The following COA7 variants were observed in gnomAD, a reference collection of about 807,000 sequenced individuals.
COA7 encodes the protein cytochrome c oxidase assembly factor 7.
In COA7, 12 loss-of-function variants were observed where a neutral mutation model predicts 21.0. That is an observed-to-expected ratio of 0.57 (90% CI 0.37 to 0.92). The LOEUF is 0.92. COA7 is among the 40% of genes least tolerant of loss of function. The probability of loss-of-function intolerance (pLI) is 0.01; values close to 1 mark genes in which losing one functional copy is unlikely to be tolerated. For synonymous variants in COA7, 95 were observed against 107.4 expected (o/e 0.88, Z 0.72); for missense variants, 240 against 286.1 (o/e 0.84, Z 1.16).
intron 1 of COA7, among the ~76,000 whole-genome samples, chr1:52,697,617 G>A (rs1644093328): frequency 6.6e-6 from 1 of 152,128 alleles, no homozygotes; most frequent in Non-Finnish European, 1.5e-5. Flanking sequence ...CTGTCGCCCA[G>A]GCTGGAGTGC....
intron 2 of COA7, among the ~76,000 whole-genome samples, chr1:52,691,969 G>C (rs549823786): frequency 6.6e-6 from 1 of 152,284 alleles, no homozygotes; most frequent in Non-Finnish European, 1.5e-5. Context: ...TACTCACTCT[G>C]GGGGAACCCA....
chr1:52,691,926 A>C (rs1367415408), intron 2 of COA7, among the ~76,000 whole-genome samples: 1 of 152,240 alleles, frequency 6.6e-6, no homozygotes, highest in Non-Finnish European at 1.5e-5. Flanking sequence ...CATAGAAGAC[A>C]CTGTGGATTC....
intron 2 of COA7, 109 bp downstream of exon 2, chr1:52,692,618 C>G (rs1482802684): frequency 7.9e-7 from 1 of 1,260,240 alleles, no homozygotes; most frequent in African/African-American, 1.5e-5. Context: ...TCCTACAATG[C>G]ACTTTCCCAA....
At chr1:52,688,244 A>ATT (rs375971356) in intron 2 of COA7, 76 bp from the exon 3 acceptor site, 2,926 of 981,328 alleles carry the variant, frequency 3.0e-3, no homozygotes, top group Non-Finnish European at 3.6e-3. Context: ...AAGTCAGTGA[A>ATT]TTTTTTTTTT....
At chr1:52,695,082 T>C (rs1571719734) in intron 1 of COA7, among the ~76,000 whole-genome samples, 1 of 151,482 alleles carries the variant, frequency 6.6e-6, no homozygotes, top group African/African-American at 2.4e-5. Flanking sequence ...TCACTCGAGG[T>C]CAGGAGTTCT....
At chr1:52,688,544 G>A (rs967629222) in intron 2 of COA7, among the ~76,000 whole-genome samples, 27 of 152,080 alleles carry the variant, frequency 1.8e-4, no homozygotes, top group African/African-American at 6.0e-4. Context: ...CACCACACCT[G>A]GCCAACAACA....
At chr1:52,692,597 C>T (rs754014643) in intron 2 of COA7, 130 bp downstream of exon 2, 4 of 1,048,808 alleles carry the variant, frequency 3.8e-6, no homozygotes, top group Non-Finnish European at 5.6e-6. Context: ...TGAACTCCTA[C>T]CTCTCCATCT....
Position 52,684,876 on chromosome 1 carries a change from T to C in COA7, c.*2844A>G, listed in dbSNP as rs1398153591. On this transcript the variant is annotated 3_prime_UTR_variant, in exon 3 of 3. Coordinates refer to ENST00000371538, the MANE Select transcript of COA7 (RefSeq NM_023077.3). The stretch of plus-strand genomic sequence containing the variant: ...GTCATATAGTTGGCATCATTTAATA[T>C]GAAGCCTTTTCAGACTGGCTTCATT... 1 of 152,010 alleles carries C rather than the reference T, an allele frequency of 6.6e-6. No homozygotes were observed. The highest frequency in any genetic ancestry group is 1.5e-5 in the Non-Finnish European group (1 of 68,016). 9.4% of individuals were successfully genotyped at this position (152,010 alleles called of 1,614,324 possible). A position where few individuals can be genotyped will look rare whatever the true frequency, so the allele number is the denominator to read the frequency against.
chr1:52,688,676 A>C (rs1333309199), intron 2 of COA7, among the ~76,000 whole-genome samples: 1 of 152,096 alleles, frequency 6.6e-6, no homozygotes, highest in African/African-American at 2.4e-5. Context: ...GCAAGACTTT[A>C]CCTCAAAAAG....
chr1:52,689,930 G>C lies in COA7; in HGVS notation c.248-1762C>G, dbSNP rs189892717. Among the ~76,000 whole-genome samples the C allele has an allele frequency of 6.1e-3, 922 of 151,698 alleles. 9 individuals are homozygous for C. The highest frequency in any genetic ancestry group is 0.014 in the Middle Eastern group (4 of 288). ...TAATGCCAGCCACTCAGGAAGCTGA[G>C]GCAGAAGAATGGCATGAACCCCAGA... On this transcript the variant is annotated intron_variant, in intron 2 of 2. Transcript: ENST00000371538.
At chr1:52,691,634 G>A (rs1280692789) in intron 2 of COA7, among the ~76,000 whole-genome samples, 1 of 151,858 alleles carries the variant, frequency 6.6e-6, no homozygotes, top group East Asian at 1.9e-4. Flanking sequence ...ACCACGCCCA[G>A]CTAATTTTTT....
intron 1 of COA7, among the ~76,000 whole-genome samples, chr1:52,693,541 G>C (rs1177755011): frequency 1.3e-5 from 2 of 151,646 alleles, no homozygotes; most frequent in African/African-American, 4.8e-5. Flanking sequence ...AGGGGGCGGA[G>C]GTTGCGGCGG....
At chr1:52,688,392 A>G (rs1644022561) in intron 2 of COA7, among the ~76,000 whole-genome samples, 1 of 152,038 alleles carries the variant, frequency 6.6e-6, no homozygotes, top group Non-Finnish European at 1.5e-5. Flanking sequence ...ACAGGCACAC[A>G]CCAACCACTA....
rs1440314585 is a variant in COA7, at chr1:52,685,537, A to G, written c.*2183T>C. The G allele has an allele frequency of 6.6e-6, 1 of 151,268 alleles. No individual in the cohort carries two copies. Among genetic ancestry groups the G allele is most frequent in the African/African-American group, 2.4e-5 (1 of 41,134 alleles). The allele number at this position is 151,268 out of a possible 1,614,324, so 9.4% of individuals were successfully genotyped here. On this transcript the variant is annotated 3_prime_UTR_variant, in exon 3 of 3. Coordinates refer to ENST00000371538, the MANE Select transcript of COA7 (RefSeq NM_023077.3). ...AATTAGTGATGTTGAACATATTTTCATGTTTTTTGACCTACAGTTTTGTGT... is the reference window on the plus strand; with the variant it reads ...AATTAGTGATGTTGAACATATTTTCGTGTTTTTTGACCTACAGTTTTGTGT...
chr1:52,692,641 C>A, intron 2 of COA7, 86 bp downstream of exon 2: 3 of 1,501,024 alleles, frequency 2.0e-6, no homozygotes, highest in Non-Finnish European at 2.8e-6. Context: ...CCTGCGAGAC[C>A]CTTCTGCAAG....
chr1:52,685,751 A>G lies in COA7; in HGVS notation c.*1969T>C, dbSNP rs1571715464. The G allele has an allele frequency of 6.6e-6, 1 of 152,082 alleles. No homozygotes were observed. The highest frequency in any genetic ancestry group is 1.5e-5 in the Non-Finnish European group (1 of 68,050). The allele number at this position is 152,082 out of a possible 1,614,324, so 9.4% of individuals were successfully genotyped here. On this transcript the variant is annotated 3_prime_UTR_variant, in exon 3 of 3. Coordinates refer to ENST00000371538, the MANE Select transcript of COA7 (RefSeq NM_023077.3). ...CAGATAATTTTTGTATTTTTAGTAG[A>G]TACGAGGTTTCACTATGTTGGCCAG...
chr1:52,698,296 C>T lies in COA7; in HGVS notation c.31G>A (p.Glu11Lys). MAGMVDFQDEEQVKSFLENME... is the reference protein window; with the variant it reads MAGMVDFQDEKQVKSFLENME... Reference sequence around the variant, plus strand: ...TTCTCCAAAAAGGACTTGACCTGCTCCTCATCCTGGAAGTCCACCATGCCG... The same window carrying T: ...TTCTCCAAAAAGGACTTGACCTGCTTCTCATCCTGGAAGTCCACCATGCCG... The change falls in exon 1 of 3, where the codon GAG (glutamate) becomes AAG (lysine). Residue 11 changes from glutamate (E) to lysine (K), a missense_variant. Coordinates refer to ENST00000371538, the MANE Select transcript of COA7 (RefSeq NM_023077.3). The T allele has an allele frequency of 6.2e-7, 1 of 1,612,644 alleles. No individual in the cohort carries two copies. The highest frequency in any genetic ancestry group is 1.3e-5 in the African/African-American group (1 of 75,032).
At chr1:52,692,607 T>C in intron 2 of COA7, 120 bp downstream of exon 2, 1 of 1,159,082 alleles carries the variant, frequency 8.6e-7, no homozygotes, top group Admixed American at 2.1e-5. Flanking sequence ...CCTCTCCATC[T>C]TCCTACAATG....
chr1:52,693,593 G>A (rs1207279453), intron 1 of COA7, among the ~76,000 whole-genome samples: 3 of 143,416 alleles, frequency 2.1e-5, no homozygotes, highest in Non-Finnish European at 3.0e-5. Flanking sequence ...GTGACAGAAC[G>A]AGACTCTGTC....
Sources: gnomAD v4.1 joint callset for allele counts (sites outside exome capture counted in the v4.1 genomes callset) on GRCh38, gnomAD v4.1.1 for gene constraint, MANE v1.5 for transcripts, NCBI Gene and HGNC (gene_info 2026-07-23, HGNC 2026-07-21) for gene names.